The following TOM1L2 variants were observed in gnomAD, a reference collection of about 807,000 sequenced individuals.
TOM1L2 encodes the protein target of myb1 like 2 membrane trafficking protein, also known as TOM1-like protein 2.
Under a neutral mutation model 67.9 loss-of-function variants are expected in TOM1L2, and 31 were observed. The ratio of observed to expected loss-of-function variants is 0.46; its 90% CI spans 0.34 to 0.62. The LOEUF is 0.62. Among genes scored for constraint, TOM1L2 ranks in the 20% least tolerant of loss-of-function variants. The pLI is 0.01. For missense variants in TOM1L2, 606 were observed against 663.5 expected, an observed-to-expected ratio of 0.91 and a Z score of 0.95; for synonymous variants, 256 against 254.0, an observed-to-expected ratio of 1.01 and a Z score of -0.07.
At chr17:17,972,139 C>T in intron 1 of TOM1L2, 123 bp downstream of exon 1, 1 of 1,234,286 alleles carries the variant, frequency 8.1e-7, no homozygotes, top group Non-Finnish European at 1.1e-6. Context: ...GAGTGGCACC[C>T]GCGGCTGGCG....
Position 17,848,831 on chromosome 17 carries a change from G to T in TOM1L2, c.1367C>A (p.Thr456Lys), listed in dbSNP as rs926879365. ...CACTGGCCAGGCCATACCTTCACTT[G>T]TGACACCCTCCTCCAGATCATCACC... ...LKGDDLEEGV[T>K]SEEFDKFLEE... Residue 456 changes from threonine to lysine, a missense_variant, in exon 14 of 15, where the codon ACA (threonine) becomes AAA (lysine). Physicochemically the swap from Thr to Lys is moderately conservative, Grantham distance 78. Around this residue, in one of 2 missense-constraint regions of TOM1L2, gnomAD observed 543 missense variants for 554.0 expected, o/e 0.98. Transcript: ENST00000379504. 6 of 1,614,046 alleles carry T rather than the reference G, an allele frequency of 3.7e-6. No homozygotes were observed. The Admixed American group carries it at 1.0e-4, about 27-fold the overall frequency.
At chr17:17,870,543 T>C (rs1325682554) in intron 7 of TOM1L2, among the ~76,000 whole-genome samples, 1 of 152,214 alleles carries the variant, frequency 6.6e-6, no homozygotes, top group Non-Finnish European at 1.5e-5. Context: ...ACCTGGGCAC[T>C]GGAGGGTGCC....
chr17:17,903,799 T>C (rs1023103210), intron 2 of TOM1L2, among the ~76,000 whole-genome samples: 1 of 151,626 alleles, frequency 6.6e-6, no homozygotes, highest in Non-Finnish European at 1.5e-5. Context: ...CTTGTCCAAA[T>C]CAGGAGGGGA....
intron 1 of TOM1L2, among the ~76,000 whole-genome samples, chr17:17,917,711 T>C (rs1263631543): frequency 1.3e-5 from 2 of 151,748 alleles, no homozygotes; most frequent in Admixed American, 6.6e-5. Context: ...TCCCATCACT[T>C]TGGGAGGCCA....
intron 1 of TOM1L2, among the ~76,000 whole-genome samples, chr17:17,968,159 T>C (rs1347422943): frequency 6.6e-6 from 1 of 152,204 alleles, no homozygotes; most frequent in Non-Finnish European, 1.5e-5. Flanking sequence ...GTGAGCATGT[T>C]ACCTCTACCG....
Position 17,847,423 on chromosome 17 carries a change from T to TCTCTGGTGGGA in TOM1L2, c.*211_*212insTCCCACCAGAG. 1.3e-5 allele frequency: 8 copies of TCTCTGGTGGGA among 604,386 alleles called. No homozygotes were observed. The South Asian group carries it at 1.8e-4, about 14-fold the overall frequency. The allele number at this position is 604,386 out of a possible 1,614,324, so 37.4% of individuals were successfully genotyped here. On this transcript the variant is annotated 3_prime_UTR_variant, in exon 15 of 15. Coordinates refer to ENST00000379504, the MANE Select transcript of TOM1L2 (RefSeq NM_001082968.2). ...GGGCCCATGGTGGGAGGGGAGAGAGTCTCTGGCTGCAGTTGTCCCACCACT... is the reference window on the plus strand; with the variant it reads ...GGGCCCATGGTGGGAGGGGAGAGAGTCTCTGGTGGGACTCTGGCTGCAGTTGTCCCACCACT...
chr17:17,884,280 T>C (rs531711001), intron 5 of TOM1L2, among the ~76,000 whole-genome samples: 4 of 152,234 alleles, frequency 2.6e-5, no homozygotes, highest in African/African-American at 9.6e-5. Context: ...AGCCCTGAGG[T>C]GCTATGGTGC....
At chr17:17,899,431 C>G (rs953516354) in intron 2 of TOM1L2, among the ~76,000 whole-genome samples, 1 of 152,220 alleles carries the variant, frequency 6.6e-6, no homozygotes, top group African/African-American at 2.4e-5. Flanking sequence ...GTACTCAGTT[C>G]ACAAATGGGC....
rs528552477 is a variant in TOM1L2 at position 17,949,034 on chromosome 17, A to T, written c.52+23228T>A. On this transcript the variant is annotated intron_variant, in intron 1 of 14. Transcript: ENST00000379504. ...CACATACAGAGTGACTGTCCCATAG[A>T]CCAGAGAATGGGGAGCTGGAGCCAT... 2.0e-4 allele frequency among the ~76,000 whole-genome samples: 30 copies of T among 152,262 alleles called. No homozygotes were observed. In the South Asian group the frequency reaches 5.8e-3, roughly 29 times the overall value.
At chr17:17,888,479 A>G (rs1334006356) in intron 4 of TOM1L2, among the ~76,000 whole-genome samples, 1 of 152,196 alleles carries the variant, frequency 6.6e-6, no homozygotes, top group Non-Finnish European at 1.5e-5. Context: ...CTTTGGATAG[A>G]AGGGAGCTTC....
chr17:17,940,746 C>G, intron 1 of TOM1L2, among the ~76,000 whole-genome samples: 1 of 152,176 alleles, frequency 6.6e-6, no homozygotes, highest in East Asian at 1.9e-4. Context: ...TAAATAGCCA[C>G]AGGGTTTCAA....
intron 1 of TOM1L2, among the ~76,000 whole-genome samples, chr17:17,942,698 C>T (rs898415182): frequency 6.6e-6 from 1 of 152,134 alleles, no homozygotes; most frequent in Non-Finnish European, 1.5e-5. Flanking sequence ...GAGAATGTGA[C>T]TTGGGTTTGT....
At chr17:17,944,782 G>A (rs930828449) in intron 1 of TOM1L2, among the ~76,000 whole-genome samples, 2 of 152,208 alleles carry the variant, frequency 1.3e-5, no homozygotes, top group Non-Finnish European at 2.9e-5. Flanking sequence ...CAGGAGGTCC[G>A]CACTTGTGCT....
chr17:17,898,273 G>C lies in TOM1L2; in HGVS notation c.216+323C>G, dbSNP rs571176600. ...ATATCTAGAGAAGGAGTTGGTCTCA[G>C]TCTCAGAGCAGGCTGGTGACAGAAA... is the stretch of plus-strand genomic sequence containing the variant. On this transcript the variant is annotated intron_variant, in intron 3 of 14. Coordinates refer to ENST00000379504, the MANE Select transcript of TOM1L2 (RefSeq NM_001082968.2). Among the ~76,000 whole-genome samples the C allele has an allele frequency of 6.6e-5, 10 of 152,294 alleles. No homozygotes were observed. The East Asian group carries it at 1.7e-3, about 26-fold the overall frequency.
At chr17:17,880,299 G>A (rs1391601463) in intron 6 of TOM1L2, among the ~76,000 whole-genome samples, 9 of 152,148 alleles carry the variant, frequency 5.9e-5, no homozygotes, top group Non-Finnish European at 1.3e-4. Context: ...AGGGGAAGAC[G>A]ACAGGGGAGA....
chr17:17,966,662 G>A (rs1423541769), intron 1 of TOM1L2, among the ~76,000 whole-genome samples: 1 of 152,228 alleles, frequency 6.6e-6, no homozygotes, highest in Admixed American at 6.5e-5. Context: ...TGGATCAGGA[G>A]TAGATTCTAG....
In TOM1L2 at chr17:17,972,367, C is replaced by A. The variant is rs1279364053; in HGVS notation, c.-54G>T. On this transcript the variant is annotated 5_prime_UTR_variant, in exon 1 of 15. Transcript: ENST00000379504. The stretch of plus-strand genomic sequence containing the variant: ...GCCCCCTGTCTGCCACCTAGGCCTC[C>A]GCTGTAACCCGCCGGACTCCCGTCC... The A allele has an allele frequency of 1.9e-6, 3 of 1,547,040 alleles. No individual in the cohort carries two copies. The highest frequency in any genetic ancestry group is 1.2e-5 in the South Asian group (1 of 83,886).
At chr17:17,847,918 G>A (rs2035739263) in intron 14 of TOM1L2, 135 bp from the exon 15 acceptor site, 1 of 1,158,552 alleles carries the variant, frequency 8.6e-7, no homozygotes. Flanking sequence ...GGGTAGGGAG[G>A]GGTTCGTGAG....
At chr17:17,916,808 A>G (rs1277584541) in intron 1 of TOM1L2, among the ~76,000 whole-genome samples, 1 of 151,814 alleles carries the variant, frequency 6.6e-6, no homozygotes, top group East Asian at 1.9e-4. Flanking sequence ...GGATCTCATG[A>G]GGTTAGGAGT....
Sources: allele counts gnomAD v4.1 joint callset (sites outside exome capture counted in the v4.1 genomes callset), GRCh38; gene constraint gnomAD v4.1.1; regional missense constraint gnomAD v4.1.1; transcripts MANE v1.5; gene names NCBI Gene and HGNC (gene_info 2026-07-23, HGNC 2026-07-21).